Variants in CSMD1 observed in about 807,000 individuals in gnomAD.
The protein encoded by CSMD1 is CUB and Sushi multiple domains 1.
Under a neutral mutation model 417.5 loss-of-function variants are expected in CSMD1, and 213 were observed. That is an observed-to-expected ratio of 0.51 (90% confidence interval 0.46 to 0.57). The LOEUF is 0.57. Ranked by LOEUF, CSMD1 falls within the 20% of genes least tolerant of loss-of-function variation. The pLI is 0.00. For synonymous variants in CSMD1, 2,862 were observed against 1,736.8 expected, an observed-to-expected ratio of 1.65 and a Z score of -16.11; for missense variants, 6,923 against 4,529.7, an observed-to-expected ratio of 1.53 and a Z score of -15.17.
chr8:4,425,631 G>A (rs1154048), intron 2 of CSMD1, among the ~76,000 whole-genome samples: 2,588 of 152,098 alleles, frequency 0.017, 65 homozygotes, highest in African/African-American at 0.059. Context: ...GGGCCCTTGC[G>A]ATACATTTTA....
intron 1 of CSMD1, among the ~76,000 whole-genome samples, chr8:4,711,911 T>G (rs906796278): frequency 6.6e-6 from 1 of 152,200 alleles, no homozygotes; most frequent in East Asian, 1.9e-4. Context: ...AAGTGCCTAC[T>G]ACAGGAAAGG....
chr8:3,167,140 C>T (rs1186744584), intron 37 of CSMD1, among the ~76,000 whole-genome samples: 1 of 152,006 alleles, frequency 6.6e-6, no homozygotes, highest in African/African-American at 2.4e-5. Context: ...CAAAAATTAG[C>T]CAGGCGTGGT....
chr8:4,123,975 G>C (rs572299612), intron 3 of CSMD1, among the ~76,000 whole-genome samples: 1 of 151,788 alleles, frequency 6.6e-6, no homozygotes, highest in South Asian at 2.1e-4. Flanking sequence ...AGTTTCTGAT[G>C]TACAGGAAAC....
intron 3 of CSMD1, among the ~76,000 whole-genome samples, chr8:4,151,624 A>T (rs1796574308): frequency 6.6e-6 from 1 of 152,272 alleles, no homozygotes; most frequent in Non-Finnish European, 1.5e-5. Context: ...ATGTAGTTTC[A>T]CTTTGTTATC....
chr8:4,877,500 T>C (rs1220924444), intron 1 of CSMD1, among the ~76,000 whole-genome samples: 1 of 152,076 alleles, frequency 6.6e-6, no homozygotes, highest in East Asian at 1.9e-4. Flanking sequence ...CTAAAATCTC[T>C]TCCCGATCCC....
intron 3 of CSMD1, among the ~76,000 whole-genome samples, chr8:4,320,965 T>C (rs544312999): frequency 9.9e-5 from 15 of 152,262 alleles, no homozygotes; most frequent in Admixed American, 3.3e-4. Flanking sequence ...CTCTGCCAGG[T>C]CCAGTTTCAG....
intron 33 of CSMD1, among the ~76,000 whole-genome samples, chr8:3,192,696 G>C (rs1330299224): frequency 6.6e-6 from 1 of 152,046 alleles, no homozygotes; most frequent in Non-Finnish European, 1.5e-5. Context: ...AAATAATTTT[G>C]TGCATGACAC....
intron 15 of CSMD1, among the ~76,000 whole-genome samples, chr8:3,402,998 T>C (rs1055911195): frequency 1.3e-5 from 2 of 152,182 alleles, no homozygotes; most frequent in Admixed American, 6.5e-5. Flanking sequence ...TGGGATAGTA[T>C]AGGCATTAAG....
intron 3 of CSMD1, among the ~76,000 whole-genome samples, chr8:4,301,764 A>C (rs1797992566): frequency 6.6e-6 from 1 of 152,124 alleles, no homozygotes; most frequent in African/African-American, 2.4e-5. Context: ...TGCCTCCTTA[A>C]ACCTAGTTAT....
At chr8:3,578,109 T>C (rs1001295246) in intron 9 of CSMD1, among the ~76,000 whole-genome samples, 3 of 152,190 alleles carry the variant, frequency 2.0e-5, no homozygotes, top group Non-Finnish European at 4.4e-5. Flanking sequence ...CATACAGTCC[T>C]CCATCTAGCA....
intron 20 of CSMD1, among the ~76,000 whole-genome samples, chr8:3,365,807 T>G (rs935540461): frequency 5.9e-5 from 9 of 152,192 alleles, no homozygotes; most frequent in African/African-American, 2.2e-4. Context: ...TGAACTACAG[T>G]TGACCTTGAA....
chr8:3,354,691 C>T (rs1808624763), intron 21 of CSMD1, among the ~76,000 whole-genome samples: 1 of 151,602 alleles, frequency 6.6e-6, no homozygotes, highest in Non-Finnish European at 1.5e-5. Flanking sequence ...TTTTAAGAAG[C>T]AACAGAAACT....
intron 7 of CSMD1, among the ~76,000 whole-genome samples, chr8:3,706,447 G>C (rs1042505954): frequency 6.6e-6 from 1 of 152,090 alleles, no homozygotes; most frequent in African/African-American, 2.4e-5. Context: ...GAAGGCTCAA[G>C]GTTTCCATTC....
At chr8:3,241,387 G>C (rs1433877537) in intron 26 of CSMD1, among the ~76,000 whole-genome samples, 15 of 152,148 alleles carry the variant, frequency 9.9e-5, no homozygotes, top group African/African-American at 3.6e-4. Flanking sequence ...GATTAAGAAG[G>C]GGACGGTCTT....
intron 7 of CSMD1, among the ~76,000 whole-genome samples, chr8:3,667,943 A>G (rs766571046): frequency 1.3e-5 from 2 of 152,082 alleles, no homozygotes; most frequent in African/African-American, 4.8e-5. Context: ...CAATTCACCC[A>G]CCCATTTCCT....
intron 1 of CSMD1, among the ~76,000 whole-genome samples, chr8:4,779,514 A>G (rs1797039962): frequency 6.6e-6 from 1 of 152,174 alleles, no homozygotes; most frequent in Non-Finnish European, 1.5e-5. Context: ...AACCCAATGC[A>G]GTTAGAGAAA....
intron 1 of CSMD1, among the ~76,000 whole-genome samples, chr8:4,894,189 G>C (rs1804320775): frequency 1.3e-5 from 2 of 152,050 alleles, no homozygotes; most frequent in South Asian, 4.1e-4. Flanking sequence ...CTTTCTATAT[G>C]TCTTATCAGA....
chr8:4,079,203 C>G (rs1799994296), intron 3 of CSMD1, among the ~76,000 whole-genome samples: 2 of 152,074 alleles, frequency 1.3e-5, no homozygotes, highest in African/African-American at 4.8e-5. Context: ...TCTATAGAGA[C>G]ATGCCCACTG....
chr8:2,945,119 A>G (rs1802134115), intron 68 of CSMD1, among the ~76,000 whole-genome samples: 1 of 152,218 alleles, frequency 6.6e-6, no homozygotes, highest in African/African-American at 2.4e-5. Flanking sequence ...GCATAAAGGG[A>G]TATGAAAACA....
Sources: allele counts gnomAD v4.1 joint callset (sites outside exome capture counted in the v4.1 genomes callset), GRCh38; gene constraint gnomAD v4.1.1; transcripts MANE v1.5; gene names NCBI Gene and HGNC (gene_info 2026-07-23, HGNC 2026-07-21).